The following KANSL1 variants were observed in gnomAD, a reference collection of about 807,000 sequenced individuals.
The protein encoded by KANSL1 is KAT8 regulatory NSL complex subunit 1, also known as MLL1/MLL complex subunit KANSL1.
In KANSL1, 22 loss-of-function variants were observed where a neutral mutation model predicts 103.6. The ratio of observed to expected loss-of-function variants is 0.21; its 90% CI spans 0.15 to 0.30. The LOEUF (loss-of-function observed/expected upper bound fraction) is 0.30, where lower values mean the gene tolerates loss of function less well. Ranked by LOEUF, KANSL1 falls within the 10% of genes least tolerant of loss-of-function variation. KANSL1 has a pLI of 1.00. For missense variants in KANSL1, 1,337 were observed against 1,399.8 expected, an observed-to-expected ratio of 0.96 and a Z score of 0.72; for synonymous variants, 600 against 527.6, an observed-to-expected ratio of 1.14 and a Z score of -1.88.
chr17:46,219,822 G>T (rs866906170), intron 1 of KANSL1, among the ~76,000 whole-genome samples: 1 of 152,186 alleles, frequency 6.6e-6, no homozygotes, highest in African/African-American at 2.4e-5. Context: ...CTATTCTCTC[G>T]GCTGGGCACG....
At chr17:46,131,678 G>A (rs1018258019) in intron 2 of KANSL1, among the ~76,000 whole-genome samples, 1 of 152,162 alleles carries the variant, frequency 6.6e-6, no homozygotes, top group Non-Finnish European at 1.5e-5. Context: ...TTTGACTGAG[G>A]AGATAGGGCT....
intron 2 of KANSL1, among the ~76,000 whole-genome samples, chr17:46,133,728 A>C (rs1176343263): frequency 6.6e-6 from 1 of 152,230 alleles, no homozygotes; most frequent in African/African-American, 2.4e-5. Context: ...CAGGTAACTG[A>C]AAGTGGAGGG....
At chr17:46,224,195 G>A (rs1355019832), upstream of KANSL1, among the ~76,000 whole-genome samples, 3 of 152,180 alleles carry the variant, frequency 2.0e-5, no homozygotes, top group African/African-American at 7.2e-5. Context: ...TAATCATCCC[G>A]ACTGTCCCAA....
At chr17:46,111,904 A>C (rs56807059) in intron 2 of KANSL1, among the ~76,000 whole-genome samples, 53,374 of 152,004 alleles carry the variant, frequency 0.35, 9,683 homozygotes, top group South Asian at 0.6. Context: ...TTGGAAAATT[A>C]ATTAAAAATT....
At chr17:46,221,029 G>T (rs562462949) in intron 1 of KANSL1, among the ~76,000 whole-genome samples, 2 of 146,932 alleles carry the variant, frequency 1.4e-5, no homozygotes. Flanking sequence ...ATACACCAAT[G>T]CAAATTATCT....
intron 2 of KANSL1, among the ~76,000 whole-genome samples, chr17:46,105,102 C>T (rs1414153114): frequency 4.6e-5 from 7 of 152,142 alleles, no homozygotes; most frequent in East Asian, 1.9e-4. Flanking sequence ...CGTGAGCAAC[C>T]GCACATGGCC....
intron 10 of KANSL1, chr17:46,034,773 C>G (rs897201870): frequency 1.9e-5 from 3 of 159,478 alleles, no homozygotes; most frequent in African/African-American, 7.2e-5. Flanking sequence ...CCTTGGTTGT[C>G]ATGAATGCAC....
At chr17:46,176,477 G>A (rs2046525065) in intron 1 of KANSL1, among the ~76,000 whole-genome samples, 1 of 152,110 alleles carries the variant, frequency 6.6e-6, no homozygotes, top group African/African-American at 2.4e-5. Context: ...TATCACCTGA[G>A]GTCAGGAGTT....
chr17:46,172,545 T>TAA (rs35095455), intron 1 of KANSL1, among the ~76,000 whole-genome samples: 9 of 151,226 alleles, frequency 6.0e-5, no homozygotes, highest in African/African-American at 1.7e-4. Context: ...TCATCTCCAT[T>TAA]AAAAAAAAAT....
chr17:46,105,918 C>T (rs2147061157), intron 2 of KANSL1, among the ~76,000 whole-genome samples: 1 of 87,350 alleles, frequency 1.1e-5, no homozygotes, highest in Non-Finnish European at 2.4e-5. Flanking sequence ...CACACACACA[C>T]ACACACACAC....
chr17:46,214,391 C>T (rs898974841), intron 1 of KANSL1, among the ~76,000 whole-genome samples: 3 of 152,164 alleles, frequency 2.0e-5, no homozygotes, highest in Non-Finnish European at 2.9e-5. Flanking sequence ...TGGTGGCTCA[C>T]GCCTGTAATG....
chr17:46,049,943 T>A (rs1235027363), intron 7 of KANSL1: 1 of 150,776 alleles, frequency 6.6e-6, no homozygotes, highest in Non-Finnish European at 1.5e-5. Flanking sequence ...TGAGACAGAG[T>A]CTTGCTCTGT....
intron 1 of KANSL1, among the ~76,000 whole-genome samples, chr17:46,185,355 C>T (rs1733411749): frequency 6.6e-6 from 1 of 152,214 alleles, no homozygotes; most frequent in Non-Finnish European, 1.5e-5. Flanking sequence ...TCACCCACTA[C>T]AAGTTCCAGT....
At chr17:46,201,835 A>C (rs925146662) in intron 1 of KANSL1, among the ~76,000 whole-genome samples, 3 of 152,170 alleles carry the variant, frequency 2.0e-5, no homozygotes, top group Admixed American at 6.5e-5. Flanking sequence ...AGCAAAACCT[A>C]TCTCTACCAA....
chr17:46,058,735 ACACACACACTCTCTCTCT>A (rs1215892829), intron 6 of KANSL1, among the ~76,000 whole-genome samples: 119 of 54,058 alleles, frequency 2.2e-3, no homozygotes, highest in East Asian at 6.6e-3. Context: ...ACACACACAC[ACACACACACTCTCTCTCT>A]CTCTCTCTCT....
chr17:46,155,155 ATTTTTT>A (rs33974360), intron 2 of KANSL1, among the ~76,000 whole-genome samples: 81 of 103,820 alleles, frequency 7.8e-4, no homozygotes, highest in African/African-American at 2.9e-3. Context: ...TCAGCCAGGG[ATTTTTT>A]TTTTTTTTTT....
chr17:46,149,125 C>T (rs952824635), intron 2 of KANSL1, among the ~76,000 whole-genome samples: 1 of 152,090 alleles, frequency 6.6e-6, no homozygotes, highest in African/African-American at 2.4e-5. Flanking sequence ...GCCTCAGCCT[C>T]CCAAGTAGCT....
At chr17:46,214,944 C>T (rs915721040) in intron 1 of KANSL1, 3 of 152,378 alleles carry the variant, frequency 2.0e-5, no homozygotes, top group African/African-American at 7.2e-5. Context: ...AAAAATGTTT[C>T]TCATATGCTT....
intron 2 of KANSL1, among the ~76,000 whole-genome samples, chr17:46,159,913 C>T (rs1278052515): frequency 1.3e-5 from 2 of 152,210 alleles, no homozygotes; most frequent in African/African-American, 2.4e-5. Context: ...ATGCTGGTGT[C>T]CACCCACGTA....
Sources: allele counts gnomAD v4.1 joint callset (sites outside exome capture counted in the v4.1 genomes callset), GRCh38; gene constraint gnomAD v4.1.1; transcripts MANE v1.5; gene names NCBI Gene and HGNC (gene_info 2026-07-23, HGNC 2026-07-21).